The following MGAT4C variants were observed in gnomAD, a reference collection of about 807,000 sequenced individuals.
MGAT4C encodes alpha-1,3-mannosyl-glycoprotein 4-beta-N-acetylglucosaminyltransferase C.
MGAT4C carries 19 observed loss-of-function variants against 40.1 expected under a neutral mutation model. The observed-to-expected ratio is 0.47, with a 90% CI of 0.33 to 0.70. MGAT4C has a LOEUF of 0.70. Among genes scored for constraint, MGAT4C ranks in the 30% least tolerant of loss-of-function variants. MGAT4C has a pLI of 0.02. For missense variants in MGAT4C, 491 were observed against 563.2 expected (o/e 0.87, Z 1.30); for synonymous variants, 181 against 187.1 (o/e 0.97, Z 0.27).
intron 1 of MGAT4C, among the ~76,000 whole-genome samples, chr12:86,097,078 TTTCAAG>T (rs1394273808): frequency 1.5e-4 from 23 of 151,800 alleles, no homozygotes; most frequent in African/African-American, 4.6e-4. Context: ...GTGAGCTTTC[TTTCAAG>T]TTCGAGTATA....
intron 3 of MGAT4C, among the ~76,000 whole-genome samples, chr12:86,362,489 A>G (rs903145183): frequency 3.9e-5 from 6 of 152,100 alleles, no homozygotes; most frequent in African/African-American, 1.4e-4. Context: ...GGTATAATAA[A>G]AAAAATAGGC....
chr12:86,386,130 CTG>C (rs777361083), intron 3 of MGAT4C, among the ~76,000 whole-genome samples: 3 of 152,050 alleles, frequency 2.0e-5, no homozygotes, highest in African/African-American at 7.2e-5. Context: ...CGGGGTTTCA[CTG>C]TGTTAGCCAG....
intron 3 of MGAT4C, among the ~76,000 whole-genome samples, chr12:86,382,587 G>A (rs1955958246): frequency 6.6e-6 from 1 of 152,204 alleles, no homozygotes; most frequent in South Asian, 2.1e-4. Flanking sequence ...TCCAGGGCAT[G>A]TCAGAGACTT....
chr12:86,809,377 AG>A (rs1952426479), intron 1 of MGAT4C, among the ~76,000 whole-genome samples: 1 of 151,952 alleles, frequency 6.6e-6, no homozygotes, highest in Admixed American at 6.6e-5. Context: ...TTTTTGTTCA[AG>A]TTTTTTTGAG....
chr12:86,557,578 A>T (rs1484133795), intron 2 of MGAT4C, among the ~76,000 whole-genome samples: 1 of 152,158 alleles, frequency 6.6e-6, no homozygotes, highest in Non-Finnish European at 1.5e-5. Flanking sequence ...CTTCACTAAA[A>T]ACCACAGCCT....
intron 2 of MGAT4C, among the ~76,000 whole-genome samples, chr12:86,715,040 A>G (rs1950622068): frequency 6.6e-6 from 1 of 152,126 alleles, no homozygotes; most frequent in Admixed American, 6.6e-5. Context: ...GTCACATGGA[A>G]ACTTATCTCG....
intron 3 of MGAT4C, among the ~76,000 whole-genome samples, chr12:86,357,827 T>C (rs1031871400): frequency 3.3e-5 from 5 of 152,166 alleles, no homozygotes; most frequent in South Asian, 2.1e-4. Flanking sequence ...CATGGGACTA[T>C]GTGAAAAGAC....
At chr12:86,178,690 A>T (rs1887761726) in intron 1 of MGAT4C, among the ~76,000 whole-genome samples, 1 of 152,232 alleles carries the variant, frequency 6.6e-6, no homozygotes, top group African/African-American at 2.4e-5. Context: ...AGGGAGAAAC[A>T]CATTTAAAAC....
In MGAT4C at chr12:85,962,658, C is replaced by T. The variant is rs751046473; in HGVS notation, c.*16631G>A. On this transcript the variant is annotated 3_prime_UTR_variant, in exon 5 of 5. Coordinates refer to ENST00000611864, the MANE Select transcript of MGAT4C (RefSeq NM_001351288.2). ...TTAAGTACATTCAACTTGTAATGAA[C>T]TGTAAACTTCACCCATAACATTATT... 1.3e-5 allele frequency: 2 copies of T among 150,800 alleles called. No individual in the cohort carries two copies. Among genetic ancestry groups the T allele is most frequent in the Non-Finnish European group, 3.0e-5 (2 of 67,434 alleles). The allele number at this position is 150,800 out of a possible 1,614,324, so 9.3% of individuals were successfully genotyped here. A position where few individuals can be genotyped will look rare whatever the true frequency, so the allele number is the denominator to read the frequency against.
intron 2 of MGAT4C, among the ~76,000 whole-genome samples, chr12:86,685,669 A>T (rs1236502882): frequency 1.3e-5 from 2 of 152,096 alleles, no homozygotes; most frequent in Non-Finnish European, 2.9e-5. Context: ...ATGAGCATGA[A>T]AGGTTTTTCC....
rs113430332 is a variant in MGAT4C, at chr12:86,489,336, C to T, written c.-228-54071G>A. 3.4e-3 allele frequency among the ~76,000 whole-genome samples: 514 copies of T among 152,278 alleles called. 4 individuals are homozygous for T. Among genetic ancestry groups the T allele is most frequent in the African/African-American group, 0.012 (498 of 41,558 alleles). ...CCAGTAAAATTCTCTACATTCATCACCTTTCAGTTCATCTGTGTGACCTCT... is the reference window on the plus strand; with the variant it reads ...CCAGTAAAATTCTCTACATTCATCATCTTTCAGTTCATCTGTGTGACCTCT... On this transcript the variant is annotated intron_variant, in intron 2 of 7. Transcript: ENST00000548651.
chr12:86,404,631 G>T lies in MGAT4C; in HGVS notation c.-120+30526C>A, dbSNP rs187724880. On this transcript the variant is annotated intron_variant, in intron 3 of 7. Transcript: ENST00000548651. ...ACTTCTGACCTCCAGTACTGTGATA[G>T]AAGGAATTTATATTGTTTCACACAC... 2.0e-5 allele frequency among the ~76,000 whole-genome samples: 3 copies of T among 152,212 alleles called. No individual in the cohort carries two copies. The East Asian group carries it at 5.8e-4, about 29-fold the overall frequency.
At chr12:86,706,433 T>G (rs1430377020) in intron 2 of MGAT4C, among the ~76,000 whole-genome samples, 1 of 151,970 alleles carries the variant, frequency 6.6e-6, no homozygotes, top group Non-Finnish European at 1.5e-5. Flanking sequence ...TATTCTTTAT[T>G]TTTTAAATAG....
At chr12:86,692,695 G>A (rs1352098232) in intron 2 of MGAT4C, among the ~76,000 whole-genome samples, 1 of 152,138 alleles carries the variant, frequency 6.6e-6, no homozygotes, top group Non-Finnish European at 1.5e-5. Flanking sequence ...AATAATAGTG[G>A]TGTAAGGATT....
chr12:86,509,088 T>G (rs1008838070), intron 2 of MGAT4C, among the ~76,000 whole-genome samples: 19 of 152,096 alleles, frequency 1.2e-4, no homozygotes, highest in African/African-American at 2.7e-4. Flanking sequence ...GTCAATTTTG[T>G]CTTTTGTTGC....
At chr12:86,481,274 T>A (rs904316338) in intron 2 of MGAT4C, among the ~76,000 whole-genome samples, 2 of 152,058 alleles carry the variant, frequency 1.3e-5, no homozygotes, top group African/African-American at 4.8e-5. Flanking sequence ...AAGCCTGAAA[T>A]AATTGTCTTC....
chr12:86,252,783 G>A (rs1253367968), intron 1 of MGAT4C, among the ~76,000 whole-genome samples: 2 of 151,408 alleles, frequency 1.3e-5, no homozygotes, highest in East Asian at 1.9e-4. Context: ...CTGTAAACTC[G>A]GCATACTATT....
chr12:86,459,550 A>G (rs1386943891), intron 2 of MGAT4C, among the ~76,000 whole-genome samples: 1 of 152,022 alleles, frequency 6.6e-6, no homozygotes, highest in African/African-American at 2.4e-5. Flanking sequence ...GTCATAAGGA[A>G]ATGAAATCTT....
intron 2 of MGAT4C, among the ~76,000 whole-genome samples, chr12:86,470,463 C>T (rs142054194): frequency 2.5e-3 from 379 of 152,126 alleles, no homozygotes; most frequent in Non-Finnish European, 4.0e-3. Context: ...CTCCCTTCCC[C>T]CAACACCAAA....
Sources: allele counts gnomAD v4.1 joint callset (sites outside exome capture counted in the v4.1 genomes callset), GRCh38; gene constraint gnomAD v4.1.1; transcripts MANE v1.5; gene names NCBI Gene and HGNC (gene_info 2026-07-23, HGNC 2026-07-21).